Variants in SLCO3A1 observed in about 807,000 individuals in gnomAD.
SLCO3A1 encodes the protein solute carrier organic anion transporter family member 3A1.
In SLCO3A1, 27 loss-of-function variants were observed where a neutral mutation model predicts 63.1. The observed-to-expected ratio is 0.43, with a 90% confidence interval of 0.32 to 0.59. The LOEUF is 0.59. Ranked by LOEUF, SLCO3A1 falls within the 20% of genes least tolerant of loss-of-function variation. The probability of loss-of-function intolerance (pLI) is 0.09; values close to 1 mark genes in which losing one functional copy is unlikely to be tolerated. For missense variants in SLCO3A1, 773 were observed against 945.8 expected (o/e 0.82, Z 2.40); for synonymous variants, 473 against 409.9 (o/e 1.15, Z -1.86).
chr15:92,037,806 G>T (rs1196873400), intron 2 of SLCO3A1, among the ~76,000 whole-genome samples: 3 of 152,126 alleles, frequency 2.0e-5, no homozygotes, highest in South Asian at 2.1e-4. Context: ...CCCTTCAGCT[G>T]GTTTTTAATT....
At chr15:92,062,384 C>T (rs771437126) in intron 2 of SLCO3A1, among the ~76,000 whole-genome samples, 2 of 152,180 alleles carry the variant, frequency 1.3e-5, no homozygotes, top group Non-Finnish European at 2.9e-5. Flanking sequence ...TGGCCTGAAT[C>T]ATGCCAGGCA....
intron 9 of SLCO3A1, among the ~76,000 whole-genome samples, chr15:92,158,358 A>G (rs2048397163): frequency 6.6e-6 from 1 of 152,204 alleles, no homozygotes; most frequent in Admixed American, 6.5e-5. Context: ...TCAAATCAAC[A>G]AAGTCTGAAT....
chr15:91,916,273 G>T lies in SLCO3A1; in HGVS notation c.461G>T (p.Gly154Val). 1 of 1,550,864 alleles carries T rather than the reference G, an allele frequency of 6.4e-7. No individual in the cohort carries two copies. The highest frequency in any genetic ancestry group is 2.4e-5 in the East Asian group (1 of 40,960). Reference protein sequence around the residue: ...AEGRDVCAANGSGGDEGPDPD... With the variant: ...AEGRDVCAANVSGGDEGPDPD... Reference sequence around the variant, plus strand: ...GGCCGCGACGTCTGCGCAGCCAACGGCTCGGGCGGCGACGAGGGGCCCGAC... The same window carrying T: ...GGCCGCGACGTCTGCGCAGCCAACGTCTCGGGCGGCGACGAGGGGCCCGAC... Residue 154 changes from glycine to valine, a missense_variant, in exon 2 of 10, where the codon GGC (glycine) becomes GTC (valine). This residue lies in a region of SLCO3A1 where 565 missense variants were observed against 749.8 expected (regional missense o/e 0.75). Transcript: ENST00000318445. The surrounding 1 kb of genome is among the most constrained non-coding windows in gnomAD (Gnocchi z 6.2).
downstream of SLCO3A1, among the ~76,000 whole-genome samples, chr15:92,170,477 A>G (rs2048515468): frequency 6.6e-6 from 1 of 152,136 alleles, no homozygotes; most frequent in Admixed American, 6.5e-5. Flanking sequence ...AGCAAATCCA[A>G]CCGTTCTAAG....
At chr15:91,880,397 C>G (rs866339466) in intron 1 of SLCO3A1, among the ~76,000 whole-genome samples, 38,929 of 93,716 alleles carry the variant, frequency 0.42, 5,611 homozygotes, top group East Asian at 0.51. Flanking sequence ...CTCTCTCTCT[C>G]TCTCTCTCTC....
chr15:92,055,106 A>T (rs752051998), intron 2 of SLCO3A1, among the ~76,000 whole-genome samples: 2 of 152,182 alleles, frequency 1.3e-5, no homozygotes, highest in Non-Finnish European at 2.9e-5. Context: ...CAGCCTTGCC[A>T]GCATTTATTA....
chr15:91,940,226 A>C (rs537195449), intron 2 of SLCO3A1, among the ~76,000 whole-genome samples: 112 of 152,238 alleles, frequency 7.4e-4, no homozygotes, highest in African/African-American at 2.3e-3. Context: ...GGTTCAGGTC[A>C]GTGTCCTGTC....
intron 2 of SLCO3A1, among the ~76,000 whole-genome samples, chr15:92,066,145 C>T (rs1316969231): frequency 6.6e-6 from 1 of 152,196 alleles, no homozygotes; most frequent in African/African-American, 2.4e-5. Context: ...AAACAGCCTC[C>T]AAGCATTAAC....
intron 7 of SLCO3A1, among the ~76,000 whole-genome samples, chr15:92,139,117 A>G (rs1034308937): frequency 2.0e-5 from 3 of 150,580 alleles, no homozygotes; most frequent in African/African-American, 7.4e-5. Context: ...TGGGTTTGTC[A>G]TAGATAGCTC....
chr15:91,921,264 G>A (rs1898834700), intron 2 of SLCO3A1, among the ~76,000 whole-genome samples: 2 of 152,064 alleles, frequency 1.3e-5, no homozygotes, highest in South Asian at 4.1e-4. Flanking sequence ...CCTCTTACAA[G>A]GTCGCCAGTC....
chr15:92,043,907 C>T (rs1320090754), intron 2 of SLCO3A1, among the ~76,000 whole-genome samples: 1 of 152,140 alleles, frequency 6.6e-6, no homozygotes, highest in Admixed American at 6.6e-5. Context: ...TCTCCCTGGT[C>T]GGTTTTTCCA....
chr15:91,957,142 TTATAATA>T (rs1900266957), intron 2 of SLCO3A1, among the ~76,000 whole-genome samples: 2 of 5,432 alleles, frequency 3.7e-4, no homozygotes, highest in South Asian at 7.6e-3. Context: ...ATACTATATA[TTATAATA>T]TATATATATA....
chr15:91,927,199 T>A (rs1899061030), intron 2 of SLCO3A1, among the ~76,000 whole-genome samples: 1 of 152,198 alleles, frequency 6.6e-6, no homozygotes, highest in Non-Finnish European at 1.5e-5. Flanking sequence ...GCTGAAATTT[T>A]CCATCCCTTC....
At chr15:91,920,974 T>G (rs1421406014) in intron 2 of SLCO3A1, among the ~76,000 whole-genome samples, 2 of 152,166 alleles carry the variant, frequency 1.3e-5, no homozygotes, top group African/African-American at 4.8e-5. Context: ...GGGAGCTCAT[T>G]ACCAGAGGAC....
Position 92,033,817 on chromosome 15 carries a change from A to G in SLCO3A1, c.647-61064A>G, listed in dbSNP as rs976150209. 6.6e-6 allele frequency among the ~76,000 whole-genome samples: 1 copy of G among 152,168 alleles called. No individual in the cohort carries two copies. Among genetic ancestry groups the G allele is most frequent in the Non-Finnish European group, 1.5e-5 (1 of 68,022 alleles). ...TTTTGGCATGTGTGTAAAGACATCA[A>G]GGGAGTGAGGGACAAGCCGGGAGGT... On this transcript the variant is annotated intron_variant, in intron 2 of 9. Coordinates refer to ENST00000318445, the MANE Select transcript of SLCO3A1 (RefSeq NM_013272.4). This position sits in a 1 kb window ranked among gnomAD's most constrained non-coding sequence, Gnocchi z 4.5.
chr15:92,062,024 C>G (rs990534934), intron 2 of SLCO3A1, among the ~76,000 whole-genome samples: 4 of 152,236 alleles, frequency 2.6e-5, no homozygotes, highest in Non-Finnish European at 5.9e-5. Flanking sequence ...GGAGCTCCCA[C>G]TGCCTTACGT....
At chr15:92,150,913 T>A (rs2048296464) in intron 8 of SLCO3A1, 37 bp from the exon 9 acceptor site, 4 of 1,528,020 alleles carry the variant, frequency 2.6e-6, no homozygotes, top group African/African-American at 1.4e-5. Context: ...ATGATAAAAA[T>A]CTGGTTTTTT....
intron 2 of SLCO3A1, among the ~76,000 whole-genome samples, chr15:91,965,049 T>G (rs914313979): frequency 9.9e-5 from 15 of 151,902 alleles, no homozygotes; most frequent in African/African-American, 3.6e-4. Flanking sequence ...GGACCTCAGC[T>G]CCCCCATGAC....
chr15:92,062,843 C>G (rs779184615), intron 2 of SLCO3A1, among the ~76,000 whole-genome samples: 1 of 152,172 alleles, frequency 6.6e-6, no homozygotes, highest in Non-Finnish European at 1.5e-5. Context: ...CAACCTTTCT[C>G]CCACCACAGG....
Sources: gnomAD v4.1 joint callset for allele counts (sites outside exome capture counted in the v4.1 genomes callset) on GRCh38, gnomAD v4.1.1 for gene constraint, gnomAD v4.1.1 regional missense constraint, Gnocchi (gnomAD v3.1) non-coding constraint, MANE v1.5 for transcripts, NCBI Gene and HGNC (gene_info 2026-07-23, HGNC 2026-07-21) for gene names.